The following FER1L5 variants were observed in gnomAD, a reference collection of about 807,000 sequenced individuals.
FER1L5 encodes fer-1-like protein 5.
FER1L5 carries 187 observed loss-of-function variants against 279.9 expected under a neutral mutation model. The observed-to-expected ratio is 0.67, with a 90% CI of 0.59 to 0.75. FER1L5 has a LOEUF of 0.75. Ranked by LOEUF, FER1L5 falls within the 30% of genes least tolerant of loss-of-function variation. The probability of loss-of-function intolerance (pLI) is 0.00; values close to 1 mark genes in which losing one functional copy is unlikely to be tolerated. For synonymous variants in FER1L5, 921 were observed against 989.7 expected, an observed-to-expected ratio of 0.93 and a Z score of 1.30; for missense variants, 2,091 against 2,594.4, an observed-to-expected ratio of 0.81 and a Z score of 4.21.
chr2:96,645,537 C>T (rs910797383), intron 1 of FER1L5, among the ~76,000 whole-genome samples: 1 of 152,156 alleles, frequency 6.6e-6, no homozygotes, highest in African/African-American at 2.4e-5. Context: ...CCTGTAATCC[C>T]AACAATTTGG....
Position 96,651,949 on chromosome 2 carries a change from G to GT in FER1L5, c.563dup (p.Lys189GlufsTer22). On this transcript the variant is annotated frameshift_variant, in exon 7 of 53. Transcript: ENST00000624922. LOFTEE classifies it high-confidence loss of function. ...CATGGGCAACAACATCAAACCAGTG[G>GT]TGAAGGTGTCCATCGCAGGCCAGCA... 1 of 1,551,994 alleles carries GT rather than the reference G, an allele frequency of 6.4e-7. No homozygotes were observed. Among genetic ancestry groups the GT allele is most frequent in the African/African-American group, 1.4e-5 (1 of 73,168 alleles).
Position 96,702,886 on chromosome 2 carries a change from AG to A in FER1L5, c.5398-91del. 1 of 1,529,498 alleles carries A rather than the reference AG, an allele frequency of 6.5e-7. No individual in the cohort carries two copies. The highest frequency in any genetic ancestry group is 8.9e-7 in the Non-Finnish European group (1 of 1,128,356). 94.7% of individuals were successfully genotyped at this position (1,529,498 alleles called of 1,614,324 possible). ...TCAGGTGGAAACCCTCTTCCTTGAT[AG>A]TCTATCACTGCTGGGTGGAGGGCCA... On this transcript the variant is annotated intron_variant, in intron 48 of 52. Transcript: ENST00000624922. The surrounding 1 kb of genome is among the most constrained non-coding windows in gnomAD (Gnocchi z 4.0).
chr2:96,675,067 C>T (rs958833315), intron 19 of FER1L5, among the ~76,000 whole-genome samples: 4 of 152,160 alleles, frequency 2.6e-5, no homozygotes, highest in Non-Finnish European at 5.9e-5. Flanking sequence ...GGTCTGTATT[C>T]ATCTGTCTTA....
At chr2:96,660,417 A>C (rs935960056) in intron 10 of FER1L5, 46 bp downstream of exon 10, 2 of 1,536,754 alleles carry the variant, frequency 1.3e-6, no homozygotes, top group Non-Finnish European at 8.8e-7. Context: ...GAGAAAAATC[A>C]GGCCAAGGGT....
chr2:96,668,967 A>G lies in FER1L5; in HGVS notation c.1266A>G (p.Glu422=), dbSNP rs1395898225. ...TCTCGTCCACCGGAGAAGAGATAGA[A>G]GGCAAGCAAAGCCTCGAGCCCACTT... ...NQISSTGEEI[E]GVYSGFLPCF... is the part of the protein sequence containing the mutation. The change falls in exon 16 of 53, where the codon GAA becomes GAG. Residue 422 remains glutamate, a splice_region_variant and synonymous_variant. Transcript: ENST00000624922. 1 of 1,551,402 alleles carries G rather than the reference A, an allele frequency of 6.4e-7. No individual in the cohort carries two copies. The highest frequency in any genetic ancestry group is 8.7e-7 in the Non-Finnish European group (1 of 1,146,942).
At position 96,659,364 on chromosome 2, in the gene FER1L5, T is replaced by TTC. The variant is rs1558853661; in HGVS notation, c.748-977_748-976insTC. Among the ~76,000 whole-genome samples, 3 of 20,708 alleles carry TTC rather than the reference T, an allele frequency of 1.4e-4. 1 individual carries two copies. The highest frequency in any genetic ancestry group is 1.0e-3 in the African/African-American group (3 of 2,996). 13.6% of individuals were successfully genotyped at this position (20,708 alleles called of 152,430 possible). Reference sequence around the variant, plus strand: ...TTCCTTCCTTCCTTCCTTCCTTCCTTCTTTCTTTCTTTCTTTCTTTCTTTC... The same window carrying TTC: ...TTCCTTCCTTCCTTCCTTCCTTCCTTTCCTTTCTTTCTTTCTTTCTTTCTTTC... On this transcript the variant is annotated intron_variant, in intron 9 of 52. Coordinates refer to ENST00000624922, the MANE Select transcript of FER1L5 (RefSeq NM_001293083.2).
At chr2:96,649,577 AGGATGGCAGGGTCT>A (rs1558837545) in intron 4 of FER1L5, 32 bp from the exon 5 acceptor site, 1 of 1,545,426 alleles carries the variant, frequency 6.5e-7, no homozygotes, top group Non-Finnish European at 8.8e-7. Context: ...GCTGTGTCCA[AGGATGGCAGGGTCT>A]GGCTTACAGC....
chr2:96,696,543 C>T (rs112141747), intron 37 of FER1L5, among the ~76,000 whole-genome samples: 1 of 152,122 alleles, frequency 6.6e-6, no homozygotes, highest in Non-Finnish European at 1.5e-5. Flanking sequence ...ATGCACCCGC[C>T]TCGGCCTCCC....
At chr2:96,693,044 C>T (rs1007193815) in intron 31 of FER1L5, among the ~76,000 whole-genome samples, 5 of 151,886 alleles carry the variant, frequency 3.3e-5, no homozygotes, top group Admixed American at 6.6e-5. Context: ...GGCGTGGTGG[C>T]GGGCGGCTGT....
rs774705925 is a variant in FER1L5, at chr2:96,699,732, C to T, written c.4781+12C>T. The T allele has an allele frequency of 6.2e-7, 1 of 1,613,362 alleles. No homozygotes were observed. Among genetic ancestry groups the T allele is most frequent in the African/African-American group, 1.3e-5 (1 of 74,920 alleles). ...AAATCCTACTGCCAGTGAGAGTGGG[C>T]CCGTCTGGGGGAAGGGAGTCAGGTG... On this transcript the variant is annotated intron_variant, in intron 43 of 52. Coordinates refer to ENST00000624922, the MANE Select transcript of FER1L5 (RefSeq NM_001293083.2).
intron 10 of FER1L5, among the ~76,000 whole-genome samples, chr2:96,661,067 C>T (rs993278564): frequency 6.6e-6 from 1 of 152,182 alleles, no homozygotes; most frequent in African/African-American, 2.4e-5. Context: ...TGGTTCCAGA[C>T]CAGGCCACAG....
rs1363127781 is a variant in FER1L5, at chr2:96,702,318, A to G, written c.5172A>G (p.Arg1724=). ...NPRKPKRYEL[R]CIIWKTANVD... Reference sequence around the variant, plus strand: ...ACAGTGGCCACAGGTATGAGCTGCGATGCATCATCTGGAAGACTGCCAATG... The same window carrying G: ...ACAGTGGCCACAGGTATGAGCTGCGGTGCATCATCTGGAAGACTGCCAATG... Residue 1724 remains arginine (R), a synonymous_variant, in exon 47 of 53, where the codon CGA becomes CGG. Coordinates refer to ENST00000624922, the MANE Select transcript of FER1L5 (RefSeq NM_001293083.2). The surrounding 1 kb of genome is among the most constrained non-coding windows in gnomAD (Gnocchi z 4.0). 6.2e-7 allele frequency: 1 copy of G among 1,612,060 alleles called. No homozygotes were observed. The highest frequency in any genetic ancestry group is 8.5e-7 in the Non-Finnish European group (1 of 1,179,270).
chr2:96,687,731 G>GAA, intron 23 of FER1L5, 85 bp from the exon 24 acceptor site: 1 of 1,523,198 alleles, frequency 6.6e-7, no homozygotes, highest in East Asian at 2.5e-5. Context: ...GGGGGGAAGG[G>GAA]GCAGGTACAG....
At chr2:96,659,850 T>G (rs2075891220) in intron 9 of FER1L5, among the ~76,000 whole-genome samples, 1 of 152,042 alleles carries the variant, frequency 6.6e-6, no homozygotes, top group Non-Finnish European at 1.5e-5. Flanking sequence ...ACATTATGGG[T>G]GGCCATAATG....
Position 96,700,587 on chromosome 2 carries a change from A to G in FER1L5, c.5070+116A>G, listed in dbSNP as rs2280356. 0.083 allele frequency: 113,497 copies of G among 1,362,280 alleles called. 7,068 individuals are homozygous for G. The highest frequency in any genetic ancestry group is 0.31 in the African/African-American group (22,023 of 70,188). The allele number at this position is 1,362,280 out of a possible 1,614,324, so 84.4% of individuals were successfully genotyped here. A position where few individuals can be genotyped will look rare whatever the true frequency, so the allele number is the denominator to read the frequency against. On this transcript the variant is annotated intron_variant, in intron 45 of 52. Coordinates refer to ENST00000624922, the MANE Select transcript of FER1L5 (RefSeq NM_001293083.2). ...GAGGAGAAGGACAGGCCAAACATTT[A>G]GTAATGTACATGCACAGAAGACAAG...
At position 96,684,308 on chromosome 2, in the gene FER1L5, A is replaced by G. The variant is rs1230650482; in HGVS notation, c.1670-19A>G. 6.5e-7 allele frequency: 1 copy of G among 1,549,962 alleles called. No homozygotes were observed. Among genetic ancestry groups the G allele is most frequent in the Non-Finnish European group, 8.7e-7 (1 of 1,145,764 alleles). ...AATCCCCCAGACACCCCATCCCTCC[A>G]TGTGTCTCTGTGTCTCAGGGAACAT... is the stretch of plus-strand genomic sequence containing the variant. On this transcript the variant is annotated intron_variant, in intron 19 of 52. Transcript: ENST00000624922.
At chr2:96,647,441 C>T (rs971860541) in intron 3 of FER1L5, among the ~76,000 whole-genome samples, 5 of 152,182 alleles carry the variant, frequency 3.3e-5, no homozygotes, top group African/African-American at 1.2e-4. Flanking sequence ...ACAGCCTCAT[C>T]TAGTGCCCAG....
intron 51 of FER1L5, 55 bp downstream of exon 51, chr2:96,703,687 G>A: frequency 6.5e-7 from 1 of 1,544,224 alleles, no homozygotes; most frequent in Non-Finnish European, 8.9e-7. Context: ...AGTGTGTATG[G>A]GGTGGTGACC....
intron 30 of FER1L5, 63 bp downstream of exon 30, chr2:96,692,026 G>GC (rs965606374): frequency 2.1e-5 from 25 of 1,165,350 alleles, no homozygotes; most frequent in Non-Finnish European, 3.0e-5. Flanking sequence ...GGGCGGGGGG[G>GC]GGGGACAGGG....
Sources: gnomAD v4.1 joint callset for allele counts (sites outside exome capture counted in the v4.1 genomes callset) on GRCh38, gnomAD v4.1.1 for gene constraint, Gnocchi (gnomAD v3.1) non-coding constraint, MANE v1.5 for transcripts, NCBI Gene and HGNC (gene_info 2026-07-23, HGNC 2026-07-21) for gene names.